Variants in ACYP1 observed in about 807,000 individuals in gnomAD.
The protein encoded by ACYP1 is acylphosphatase-1.
ACYP1 carries 8 observed loss-of-function variants against 10.4 expected under a neutral mutation model. The ratio of observed to expected loss-of-function variants is 0.77; its 90% CI spans 0.45 to 1.38. The LOEUF (loss-of-function observed/expected upper bound fraction) is 1.38. Ranked by LOEUF, ACYP1 falls within the 40% of genes most tolerant of loss-of-function variation. The pLI is 0.00. For synonymous variants in ACYP1, 38 were observed against 40.8 expected, an observed-to-expected ratio of 0.93 and a Z score of 0.26; for missense variants, 93 against 117.3, an observed-to-expected ratio of 0.79 and a Z score of 0.96.
chr14:75,060,579 A>G (rs1477870329), intron 2 of ACYP1, among the ~76,000 whole-genome samples: 2 of 152,188 alleles, frequency 1.3e-5, no homozygotes, highest in Non-Finnish European at 2.9e-5. Flanking sequence ...AAAATCAGAA[A>G]CCCAAATTTC....
chr14:75,065,242 A>G (rs553597430), upstream of ACYP1, among the ~76,000 whole-genome samples: 1 of 152,368 alleles, frequency 6.6e-6, no homozygotes, highest in East Asian at 1.9e-4. Context: ...TGTATACATT[A>G]CACCTCTTCA....
At chr14:75,059,059 G>A (rs889603144) in intron 2 of ACYP1, among the ~76,000 whole-genome samples, 6 of 151,112 alleles carry the variant, frequency 4.0e-5, no homozygotes, top group African/African-American at 7.3e-5. Flanking sequence ...TTAGTTGGGC[G>A]TGATATAGCA....
intron 1 of ACYP1, chr14:75,069,118 T>C (rs866994347): frequency 1.6e-6 from 2 of 1,267,082 alleles, no homozygotes; most frequent in South Asian, 1.4e-5. Context: ...CCACAAAAAC[T>C]ACCACGGAAA....
upstream of ACYP1, chr14:75,064,078 G>A: frequency 1.1e-5 from 11 of 973,080 alleles, no homozygotes; most frequent in Non-Finnish European, 1.3e-5. Context: ...TGTCGCTCAT[G>A]CCCATCACCT....
chr14:75,063,816 T>C, intron 1 of ACYP1, 138 bp downstream of exon 1: 1 of 738,364 alleles, frequency 1.4e-6, no homozygotes, highest in Non-Finnish European at 1.9e-6. Context: ...TGAGGACCGA[T>C]GACCTCCTTA....
At chr14:75,060,382 C>A in intron 2 of ACYP1, 1 of 535,838 alleles carries the variant, frequency 1.9e-6, no homozygotes, top group Non-Finnish European at 3.3e-6. Flanking sequence ...CACACATTGC[C>A]AGTGAGAACA....
chr14:75,059,147 G>A (rs10143132), intron 2 of ACYP1, among the ~76,000 whole-genome samples: 63,228 of 143,888 alleles, frequency 0.44, 15,352 homozygotes, highest in East Asian at 0.84. Flanking sequence ...GATCGAGATC[G>A]CGCCACTGCA....
At chr14:75,068,750 G>A (rs987629419), upstream of ACYP1, among the ~76,000 whole-genome samples, 1 of 151,884 alleles carries the variant, frequency 6.6e-6, no homozygotes. Flanking sequence ...GGTCCACCAA[G>A]GAATTTCCTT....
At position 75,053,477 on chromosome 14, in the gene ACYP1, C is replaced by T. The variant is rs780762148; in HGVS notation, c.267G>A (p.Lys89=). ...ANFNNEKVIL[K]LDYSDFQIVK ...CAATTTGGAAGTCTGAGTAATCCAA[C>T]TTCAAGATGACTTTTTCATTGTTGA... The change falls in exon 3 of 3, where the codon AAG becomes AAA. Residue 89 remains lysine (K), a synonymous_variant. Coordinates refer to ENST00000238618, the MANE Select transcript of ACYP1 (RefSeq NM_001107.5). 4 of 1,614,086 alleles carry T rather than the reference C, an allele frequency of 2.5e-6. No individual in the cohort carries two copies. The highest frequency in any genetic ancestry group is 1.7e-5 in the Admixed American group (1 of 60,002).
intron 2 of ACYP1, among the ~76,000 whole-genome samples, chr14:75,062,537 C>T (rs950939321): frequency 3.3e-5 from 5 of 150,972 alleles, no homozygotes; most frequent in African/African-American, 4.9e-5. Context: ...CAGTCCTGGC[C>T]GGGTGCGGTG....
In ACYP1 at chr14:75,053,246, G is replaced by A. The variant is rs1016521447; in HGVS notation, c.*198C>T. The A allele has an allele frequency of 1.7e-5, 10 of 577,544 alleles. No individual in the cohort carries two copies. The Middle Eastern group carries it at 1.9e-3, about 109-fold the overall frequency. 35.8% of individuals were successfully genotyped at this position (577,544 alleles called of 1,614,324 possible). A position where few individuals can be genotyped will look rare whatever the true frequency, so the allele number is the denominator to read the frequency against. On this transcript the variant is annotated 3_prime_UTR_variant, in exon 3 of 3. Coordinates refer to ENST00000238618, the MANE Select transcript of ACYP1 (RefSeq NM_001107.5). ...TTTTTTAAAAGTACTCTAAGCAGAA[G>A]GTTCTAACGTTTTTATTGATTAGAT...
At chr14:75,057,762 T>C (rs1191650239) in intron 2 of ACYP1, among the ~76,000 whole-genome samples, 1 of 147,926 alleles carries the variant, frequency 6.8e-6, no homozygotes, top group Non-Finnish European at 1.5e-5. Context: ...AGGTCAGGAG[T>C]TCGAGATCAG....
upstream of ACYP1, among the ~76,000 whole-genome samples, chr14:75,066,551 T>C (rs1269667739): frequency 6.6e-6 from 1 of 152,150 alleles, no homozygotes; most frequent in Non-Finnish European, 1.5e-5. Context: ...GGAAGAGTCA[T>C]ATATGAGAGA....
In ACYP1 at chr14:75,057,964, C is replaced by CA. The variant is rs769312151; in HGVS notation, c.85-4306dup. On this transcript the variant is annotated intron_variant, in intron 2 of 2. Transcript: ENST00000238618. ...TAGGCAACAGAGCAAGACTCTGTCT[C>CA]AAAAAAAAAAAAAAAAAAAAAAAAG... is the stretch of plus-strand genomic sequence containing the variant. Among the ~76,000 whole-genome samples the CA allele has an allele frequency of 5.1e-3, 196 of 38,794 alleles. 31 individuals are homozygous for CA. Among genetic ancestry groups the CA allele is most frequent in the African/African-American group, 0.019 (179 of 9,280 alleles). 25.5% of individuals were successfully genotyped at this position (38,794 alleles called of 152,430 possible). A position where few individuals can be genotyped will look rare whatever the true frequency, so the allele number is the denominator to read the frequency against.
intron 1 of ACYP1, 80 bp from the exon 2 acceptor site, chr14:75,063,641 C>T: frequency 8.8e-7 from 1 of 1,131,904 alleles, no homozygotes. Context: ...GGGCCACACC[C>T]ACCCCTGTCC....
chr14:75,063,627 G>GA (rs200917869), intron 1 of ACYP1, 66 bp from the exon 2 acceptor site: 13,387 of 1,337,740 alleles, frequency 0.01, 125 homozygotes, highest in South Asian at 0.027. Context: ...GCCTGAGTCA[G>GA]AAAGGGCCAC....
intron 2 of ACYP1, among the ~76,000 whole-genome samples, chr14:75,057,488 A>T (rs1483586825): frequency 6.6e-6 from 1 of 151,546 alleles, no homozygotes; most frequent in Non-Finnish European, 1.5e-5. Context: ...GAAATCGAAA[A>T]ATTGATACTA....
At chr14:75,062,041 C>T (rs894176727) in intron 2 of ACYP1, among the ~76,000 whole-genome samples, 14 of 126,974 alleles carry the variant, frequency 1.1e-4, no homozygotes, top group African/African-American at 3.3e-4. Context: ...GCGGACGTTG[C>T]GGTGAGCTGA....
intron 2 of ACYP1, chr14:75,061,544 G>A (rs1180580878): frequency 4.5e-6 from 2 of 442,620 alleles, no homozygotes; most frequent in Non-Finnish European, 7.8e-6. Flanking sequence ...TCTGCATTCT[G>A]TTATTCTCTC....
Sources: allele counts gnomAD v4.1 joint callset (sites outside exome capture counted in the v4.1 genomes callset), GRCh38; gene constraint gnomAD v4.1.1; transcripts MANE v1.5; gene names NCBI Gene and HGNC (gene_info 2026-07-23, HGNC 2026-07-21).